The following MRPS9 variants were observed in gnomAD, a reference collection of about 807,000 sequenced individuals.
MRPS9 encodes the protein mitochondrial ribosomal protein S9.
In MRPS9, 45 loss-of-function variants were observed where a neutral mutation model predicts 59.9. The observed-to-expected ratio is 0.75, with a 90% CI of 0.59 to 0.96. The LOEUF (loss-of-function observed/expected upper bound fraction) is 0.96, where lower values mean the gene tolerates loss of function less well. Among genes scored for constraint, MRPS9 ranks in the 40% least tolerant of loss-of-function variants. MRPS9 has a pLI of 0.00. For missense variants in MRPS9, 473 were observed against 481.1 expected, an observed-to-expected ratio of 0.98 and a Z score of 0.16; for synonymous variants, 171 against 166.8, an observed-to-expected ratio of 1.03 and a Z score of -0.19.
intron 2 of MRPS9, among the ~76,000 whole-genome samples, chr2:105,062,719 T>A (rs888332217): frequency 6.6e-6 from 1 of 152,200 alleles, no homozygotes; most frequent in Non-Finnish European, 1.5e-5. Context: ...GTAAATAAAA[T>A]GGAATTGATA....
intron 7 of MRPS9, among the ~76,000 whole-genome samples, chr2:105,091,022 T>C (rs1680546918): frequency 6.6e-6 from 1 of 152,232 alleles, no homozygotes; most frequent in African/African-American, 2.4e-5. Flanking sequence ...AAAATCTCTT[T>C]GCTTCTTCAC....
intron 2 of MRPS9, among the ~76,000 whole-genome samples, chr2:105,059,696 T>G (rs1318219607): frequency 6.6e-6 from 1 of 152,118 alleles, no homozygotes; most frequent in Non-Finnish European, 1.5e-5. Context: ...GTTAATTCTG[T>G]CATGGTTGGT....
intron 5 of MRPS9, among the ~76,000 whole-genome samples, chr2:105,082,320 T>C (rs1680363249): frequency 6.6e-6 from 1 of 152,228 alleles, no homozygotes; most frequent in African/African-American, 2.4e-5. Context: ...ACTGTAATTG[T>C]ACGAGGCCCA....
chr2:105,064,963 A>G (rs1165283204), intron 2 of MRPS9, among the ~76,000 whole-genome samples: 1 of 152,188 alleles, frequency 6.6e-6, no homozygotes, highest in African/African-American at 2.4e-5. Flanking sequence ...TTTCTATCAT[A>G]GGTCCTGTGT....
intron 2 of MRPS9, among the ~76,000 whole-genome samples, chr2:105,069,764 A>G (rs1266988614): frequency 6.6e-6 from 1 of 151,972 alleles, no homozygotes; most frequent in African/African-American, 2.4e-5. Context: ...TGTAATCCCA[A>G]TACTGGTAGG....
chr2:105,043,720 C>T (rs545093661), intron 1 of MRPS9, among the ~76,000 whole-genome samples: 3 of 152,080 alleles, frequency 2.0e-5, no homozygotes, highest in African/African-American at 7.2e-5. Flanking sequence ...CTGCAACCTC[C>T]GCCTCCTGGG....
intron 9 of MRPS9, among the ~76,000 whole-genome samples, chr2:105,095,192 AG>A (rs1209208740): frequency 6.6e-6 from 1 of 152,204 alleles, no homozygotes; most frequent in East Asian, 1.9e-4. Context: ...ACCCAGAATC[AG>A]GGATCTTGAT....
At chr2:105,094,899 A>G (rs1339832698) in intron 9 of MRPS9, among the ~76,000 whole-genome samples, 1 of 152,232 alleles carries the variant, frequency 6.6e-6, no homozygotes, top group African/African-American at 2.4e-5. Flanking sequence ...TCATAATGAA[A>G]TTACATCTTT....
intron 1 of MRPS9, among the ~76,000 whole-genome samples, chr2:105,045,401 A>G (rs1223886470): frequency 1.3e-5 from 2 of 151,802 alleles, no homozygotes; most frequent in Non-Finnish European, 2.9e-5. Flanking sequence ...AAAAATGTAA[A>G]GATTAAATAA....
intron 2 of MRPS9, among the ~76,000 whole-genome samples, chr2:105,070,276 T>A (rs1317980262): frequency 1.4e-5 from 2 of 146,870 alleles, no homozygotes; most frequent in South Asian, 4.1e-4. Flanking sequence ...GACCTAGGTT[T>A]TTTGTTTTGT....
At position 105,055,633 on chromosome 2, in the gene MRPS9, C is replaced by T. The variant is rs184545660; in HGVS notation, c.315+6283C>T. Among the ~76,000 whole-genome samples, 239 of 151,870 alleles carry T rather than the reference C, an allele frequency of 1.6e-3. 2 individuals carry two copies. The highest frequency in any genetic ancestry group is 5.4e-3 in the African/African-American group (222 of 41,320). Reference sequence around the variant, plus strand: ...TATTAAATATAGCGGACCCCCTCCACCTTTGTGGCACCTGAGTAGATGTAA... The same window carrying T: ...TATTAAATATAGCGGACCCCCTCCATCTTTGTGGCACCTGAGTAGATGTAA... On this transcript the variant is annotated intron_variant, in intron 2 of 10. Coordinates refer to ENST00000258455, the MANE Select transcript of MRPS9 (RefSeq NM_182640.3).
At chr2:105,099,574 T>C (rs1680745874) in intron 10 of MRPS9, 96 bp from the exon 11 acceptor site, 2 of 1,174,366 alleles carry the variant, frequency 1.7e-6, no homozygotes, top group Non-Finnish European at 1.2e-6. Context: ...TAGTTTTTTT[T>C]CTCAGACAAC....
At chr2:105,099,199 T>C (rs1420391067) in intron 10 of MRPS9, 3 of 152,444 alleles carry the variant, frequency 2.0e-5, no homozygotes, top group African/African-American at 7.2e-5. Flanking sequence ...ATATGCATAT[T>C]CATGTAAACT....
At chr2:105,064,517 C>T (rs1176682374) in intron 2 of MRPS9, among the ~76,000 whole-genome samples, 3 of 152,116 alleles carry the variant, frequency 2.0e-5, no homozygotes, top group African/African-American at 7.2e-5. Context: ...TGAGGTTGCT[C>T]ACAAATGTGG....
At chr2:105,098,335 C>A (rs1472105031) in intron 10 of MRPS9, 1 of 152,352 alleles carries the variant, frequency 6.6e-6, no homozygotes, top group Middle Eastern at 3.4e-3. Flanking sequence ...CACTTAGCAC[C>A]TAAGTCTATA....
intron 10 of MRPS9, chr2:105,099,393 T>G (rs1680742009): frequency 3.7e-6 from 1 of 269,758 alleles, no homozygotes; most frequent in Admixed American, 4.8e-5. Context: ...TGAGCAAGCT[T>G]AAAAACCAAA....
chr2:105,088,659 G>C (rs1680496827), intron 5 of MRPS9, among the ~76,000 whole-genome samples: 1 of 152,016 alleles, frequency 6.6e-6, no homozygotes, highest in African/African-American at 2.4e-5. Flanking sequence ...AAGGAAAATA[G>C]TTAAAGGTTT....
chr2:105,087,510 A>G (rs1038944734), intron 5 of MRPS9, among the ~76,000 whole-genome samples: 2 of 152,172 alleles, frequency 1.3e-5, no homozygotes, highest in South Asian at 4.1e-4. Flanking sequence ...ATTCATGTCT[A>G]CTGGTAATGT....
chr2:105,095,749 G>A (rs1302085009), intron 9 of MRPS9, among the ~76,000 whole-genome samples: 1 of 151,730 alleles, frequency 6.6e-6, no homozygotes, highest in Non-Finnish European at 1.5e-5. Context: ...TGCCCGCCTC[G>A]GCCTCCCAAA....
Sources: allele counts gnomAD v4.1 joint callset (sites outside exome capture counted in the v4.1 genomes callset), GRCh38; gene constraint gnomAD v4.1.1; transcripts MANE v1.5; gene names NCBI Gene and HGNC (gene_info 2026-07-23, HGNC 2026-07-21).